SUMO2: variants seen among roughly 807,000 people sequenced by gnomAD.
SUMO2 encodes the protein small ubiquitin-related modifier 2.
In SUMO2, 1 loss-of-function variant was observed where a neutral mutation model predicts 16.0. The observed-to-expected ratio is 0.06, with a 90% confidence interval of 0.02 to 0.30. SUMO2 has a LOEUF of 0.30. SUMO2 is among the 10% of genes least tolerant of loss of function. The pLI, the probability that SUMO2 is intolerant of heterozygous loss-of-function variation, is 1.00. For missense variants in SUMO2, 16 were observed against 117.5 expected, an observed-to-expected ratio of 0.14 and a Z score of 3.99; for synonymous variants, 36 against 40.6, an observed-to-expected ratio of 0.89 and a Z score of 0.43.
intron 2 of SUMO2, among the ~76,000 whole-genome samples, chr17:75,180,415 A>C (rs1030309672): frequency 3.2e-4 from 47 of 145,284 alleles, no homozygotes; most frequent in African/African-American, 1.0e-3. Context: ...AAAAAAAAAA[A>C]AAAAAACGAC....
chr17:75,179,305 G>C (rs2074808274), intron 2 of SUMO2, among the ~76,000 whole-genome samples: 1 of 152,156 alleles, frequency 6.6e-6, no homozygotes, highest in South Asian at 2.1e-4. Flanking sequence ...GAGGCAGGTG[G>C]ATCACCTGAG....
chr17:75,173,307 C>T (rs1171861676), intron 3 of SUMO2, among the ~76,000 whole-genome samples: 2 of 151,992 alleles, frequency 1.3e-5, no homozygotes, highest in Non-Finnish European at 2.9e-5. Context: ...GGACTACAGA[C>T]ACATGCTACC....
Position 75,182,864 on chromosome 17 carries a change from C to G in SUMO2, c.-30G>C. On this transcript the variant is annotated 5_prime_UTR_variant, in exon 1 of 4. Coordinates refer to ENST00000420826, the MANE Select transcript of SUMO2 (RefSeq NM_006937.4). ...AGCGCCGGAGTCTCCTCAGCTGCCG[C>G]TTCACAAAAGAGGTACCAGGTCCGC... 7.2e-7 allele frequency: 1 copy of G among 1,387,720 alleles called. No homozygotes were observed. Among genetic ancestry groups the G allele is most frequent in the Non-Finnish European group, 9.4e-7 (1 of 1,062,852 alleles). 86.0% of individuals were successfully genotyped at this position (1,387,720 alleles called of 1,614,324 possible).
At chr17:75,175,914 T>G (rs2074778849) in intron 2 of SUMO2, among the ~76,000 whole-genome samples, 1 of 152,162 alleles carries the variant, frequency 6.6e-6, no homozygotes, top group Non-Finnish European at 1.5e-5. Flanking sequence ...ATTACAGGTG[T>G]GAGCCACTGC....
chr17:75,168,524 G>C (rs760495428), intron 3 of SUMO2, 123 bp from the exon 4 acceptor site: 71 of 782,916 alleles, frequency 9.1e-5, no homozygotes, highest in Non-Finnish European at 1.2e-4. Context: ...CATTATTTTA[G>C]ATGTCTCATA....
At chr17:75,168,905 A>C in intron 3 of SUMO2, among the ~76,000 whole-genome samples, 1 of 151,934 alleles carries the variant, frequency 6.6e-6, no homozygotes. Flanking sequence ...GCGCCCAGCC[A>C]AAACTTAGTT....
Position 75,180,373 on chromosome 17 carries a change from T to TA in SUMO2, c.153+683dup, listed in dbSNP as rs527744507. On this transcript the variant is annotated intron_variant, in intron 2 of 3. Coordinates refer to ENST00000420826, the MANE Select transcript of SUMO2 (RefSeq NM_006937.4). Reference sequence around the variant, plus strand: ...TAGATAAGTTCTAGCTTAAAAGAAATAGAGTGAGACTCCCAGCTTAAAAAA... The same window carrying TA: ...TAGATAAGTTCTAGCTTAAAAGAAATAAGAGTGAGACTCCCAGCTTAAAAAA... Among the ~76,000 whole-genome samples the TA allele has an allele frequency of 1.6e-4, 12 of 75,568 alleles. No homozygotes were observed. In the South Asian group the frequency reaches 4.5e-3, roughly 28 times the overall value. 49.6% of individuals were successfully genotyped at this position (75,568 alleles called of 152,430 possible). A position where few individuals can be genotyped will look rare whatever the true frequency, so the allele number is the denominator to read the frequency against.
chr17:75,177,806 A>G (rs914097573), intron 2 of SUMO2, among the ~76,000 whole-genome samples: 2 of 148,334 alleles, frequency 1.3e-5, no homozygotes, highest in African/African-American at 5.0e-5. Flanking sequence ...CAGCCTGGCC[A>G]ACGTGGTAAA....
At chr17:75,170,525 GC>G (rs2074728848) in intron 3 of SUMO2, among the ~76,000 whole-genome samples, 1 of 151,032 alleles carries the variant, frequency 6.6e-6, no homozygotes, top group Admixed American at 6.6e-5. Flanking sequence ...AGCTGTGATT[GC>G]CCCACTGCAC....
chr17:75,170,087 G>A (rs1362719809), intron 3 of SUMO2, among the ~76,000 whole-genome samples: 1 of 152,018 alleles, frequency 6.6e-6, no homozygotes, highest in Non-Finnish European at 1.5e-5. Flanking sequence ...TGAGGCAGGA[G>A]AATCACTTGA....
intron 2 of SUMO2, among the ~76,000 whole-genome samples, chr17:75,180,762 ACT>A (rs1486813017): frequency 6.6e-6 from 1 of 151,958 alleles, no homozygotes; most frequent in Non-Finnish European, 1.5e-5. Flanking sequence ...TACCAAGTTC[ACT>A]CTTATTTTCT....
chr17:75,174,892 G>A (rs2074769990), intron 2 of SUMO2, 69 bp from the exon 3 acceptor site: 2 of 1,369,062 alleles, frequency 1.5e-6, no homozygotes, highest in Non-Finnish European at 2.0e-6. Flanking sequence ...AAAAGTACAT[G>A]CATATTTAAC....
At chr17:75,180,895 C>T (rs59220364) in intron 2 of SUMO2, among the ~76,000 whole-genome samples, 162 bp downstream of exon 2, 8,344 of 152,114 alleles carry the variant, frequency 0.055, 755 homozygotes, top group African/African-American at 0.19. Context: ...AGGGTTTTCA[C>T]GAGCTATCAA....
intron 2 of SUMO2, among the ~76,000 whole-genome samples, chr17:75,175,398 G>A (rs775614950): frequency 3.3e-5 from 5 of 151,768 alleles, no homozygotes; most frequent in Non-Finnish European, 7.4e-5. Flanking sequence ...TCGGCTCACT[G>A]CAACCTCCAC....
At chr17:75,169,848 CAAA>C (rs34254735) in intron 3 of SUMO2, among the ~76,000 whole-genome samples, 1 of 70,652 alleles carries the variant, frequency 1.4e-5, no homozygotes. Flanking sequence ...GACTTGGTCT[CAAA>C]AAAAAAAAAA....
intron 2 of SUMO2, 84 bp downstream of exon 2, chr17:75,180,973 G>C (rs1335264695): frequency 1.2e-5 from 18 of 1,525,854 alleles, no homozygotes; most frequent in Non-Finnish European, 1.6e-5. Flanking sequence ...TCACTGTAAT[G>C]TGCTAGTCTA....
intron 3 of SUMO2, among the ~76,000 whole-genome samples, chr17:75,170,494 CGTGAA>C (rs1374037287): frequency 6.6e-6 from 1 of 151,538 alleles, no homozygotes; most frequent in African/African-American, 2.4e-5. Context: ...CACTTGAACC[CGTGAA>C]GTGGAGGTTA....
intron 2 of SUMO2, 33 bp from the exon 3 acceptor site, chr17:75,174,856 TAA>T: frequency 1.9e-6 from 3 of 1,579,306 alleles, no homozygotes; most frequent in Non-Finnish European, 2.6e-6. Flanking sequence ...TAAACAGCAT[TAA>T]GAGAAACAGA....
rs966563219 is a variant in SUMO2 at position 75,167,227 on chromosome 17, G to A, written c.*1112C>T. The A allele has an allele frequency of 6.6e-6, 1 of 151,548 alleles. No individual in the cohort carries two copies. The highest frequency in any genetic ancestry group is 2.1e-4 in the South Asian group (1 of 4,794). The allele number at this position is 151,548 out of a possible 1,614,324, so 9.4% of individuals were successfully genotyped here. A position where few individuals can be genotyped will look rare whatever the true frequency, so the allele number is the denominator to read the frequency against. ...CCCCCCAGCTACTCAGGAGGCTGAG[G>A]TTGCAGTGAGCTGAAATTGCACCAC... On this transcript the variant is annotated 3_prime_UTR_variant, in exon 4 of 4. Transcript: ENST00000420826.
Sources: allele counts gnomAD v4.1 joint callset (sites outside exome capture counted in the v4.1 genomes callset), GRCh38; gene constraint gnomAD v4.1.1; transcripts MANE v1.5; gene names NCBI Gene and HGNC (gene_info 2026-07-23, HGNC 2026-07-21).